ENTREP2: variants seen among roughly 807,000 people sequenced by gnomAD.
The protein encoded by ENTREP2 is endosomal transmembrane epsin interactor 2, also known as protein ENTREP2.
the ENTREP2 span, among the ~76,000 whole-genome samples, chr15:29,364,658 T>C: frequency 6.6e-6 from 1 of 152,224 alleles, no homozygotes; most frequent in South Asian, 2.1e-4. Flanking sequence ...AGATAGATCA[T>C]GCCTTTCCCT....
chr15:29,357,411 T>C, the ENTREP2 span, among the ~76,000 whole-genome samples: 2,037 of 152,162 alleles, frequency 0.013, 54 homozygotes, highest in African/African-American at 0.047. Context: ...TATTTTCACA[T>C]ATTCCACCAA....
At chr15:29,346,994 C>T in the ENTREP2 span, among the ~76,000 whole-genome samples, 71 of 152,264 alleles carry the variant, frequency 4.7e-4, 1 homozygote, top group African/African-American at 1.6e-3. Flanking sequence ...GCTTCCAATG[C>T]GATCTGTAAC....
chr15:29,196,126 A>G, the ENTREP2 span, among the ~76,000 whole-genome samples: 1 of 152,182 alleles, frequency 6.6e-6, no homozygotes, highest in African/African-American at 2.4e-5. Context: ...AAATGTCAGA[A>G]AAGCCGTAGA....
chr15:29,299,786 A>T, the ENTREP2 span, among the ~76,000 whole-genome samples: 2 of 152,120 alleles, frequency 1.3e-5, no homozygotes, highest in African/African-American at 2.4e-5. Context: ...AATTTTATTC[A>T]TTGCTGTATC....
the ENTREP2 span, among the ~76,000 whole-genome samples, chr15:29,524,563 C>T: frequency 3.3e-5 from 5 of 152,288 alleles, no homozygotes; most frequent in East Asian, 1.9e-4. Context: ...CCGTAGGTCA[C>T]GGAAGAGAAC....
chr15:29,344,863 T>C, the ENTREP2 span, among the ~76,000 whole-genome samples: 8 of 151,656 alleles, frequency 5.3e-5, no homozygotes, highest in African/African-American at 1.9e-4. Context: ...ACTGCATGCA[T>C]AGCATTATAG....
the ENTREP2 span, among the ~76,000 whole-genome samples, chr15:29,581,555 A>G: frequency 1.3e-5 from 2 of 152,166 alleles, no homozygotes; most frequent in Admixed American, 1.3e-4. Context: ...ACACAAAATT[A>G]ATCACCACAA....
chr15:29,549,410 C>G, the ENTREP2 span, among the ~76,000 whole-genome samples: 1 of 152,048 alleles, frequency 6.6e-6, no homozygotes, highest in Non-Finnish European at 1.5e-5. Context: ...GCTGGGACTA[C>G]AGGCGCCCAC....
chr15:29,379,068 C>T, the ENTREP2 span, among the ~76,000 whole-genome samples: 1 of 152,192 alleles, frequency 6.6e-6, no homozygotes, highest in Non-Finnish European at 1.5e-5. Flanking sequence ...CCAGCAAAAT[C>T]CATACACTTC....
the ENTREP2 span, among the ~76,000 whole-genome samples, chr15:29,513,009 T>C: frequency 1.3e-5 from 2 of 152,212 alleles, no homozygotes; most frequent in African/African-American, 4.8e-5. Context: ...CTCTGAAATC[T>C]CTCATATTCT....
At chr15:29,391,470 A>T in the ENTREP2 span, among the ~76,000 whole-genome samples, 1 of 152,150 alleles carries the variant, frequency 6.6e-6, no homozygotes, top group Non-Finnish European at 1.5e-5. Flanking sequence ...TCACCTCATG[A>T]AAGAGAAAAA....
chr15:29,125,133 G>A, the ENTREP2 span, among the ~76,000 whole-genome samples: 2 of 152,356 alleles, frequency 1.3e-5, no homozygotes, highest in African/African-American at 4.8e-5. Context: ...GGGTGTGTGG[G>A]TGCCGAGGTG....
chr15:29,279,571 G>T, the ENTREP2 span, among the ~76,000 whole-genome samples: 2 of 152,072 alleles, frequency 1.3e-5, no homozygotes, highest in South Asian at 2.1e-4. Context: ...CACCATGTTG[G>T]CCAGGATGGT....
At chr15:29,622,232 A>C in the ENTREP2 span, among the ~76,000 whole-genome samples, 1 of 151,312 alleles carries the variant, frequency 6.6e-6, no homozygotes, top group African/African-American at 2.4e-5. Context: ...TTTGAGATGG[A>C]GTCTAGCTCT....
the ENTREP2 span, among the ~76,000 whole-genome samples, chr15:29,503,329 C>T: frequency 6.6e-6 from 1 of 152,002 alleles, no homozygotes; most frequent in African/African-American, 2.4e-5. Flanking sequence ...GTAAAAGAAG[C>T]CAAATACAAA....
the ENTREP2 span, among the ~76,000 whole-genome samples, chr15:29,336,034 C>T: frequency 1.4e-5 from 2 of 147,482 alleles, no homozygotes; most frequent in East Asian, 2.1e-4. Flanking sequence ...CCCAGCTGCT[C>T]AAGAGGCTGA....
the ENTREP2 span, chr15:29,234,096 T>C: frequency 6.7e-7 from 1 of 1,497,676 alleles, no homozygotes; most frequent in South Asian, 1.1e-5. Context: ...CTTGATAACA[T>C]ATCAGACATT....
chr15:29,381,790 C>T, the ENTREP2 span: 1 of 1,551,410 alleles, frequency 6.4e-7, no homozygotes, highest in African/African-American at 1.4e-5. Flanking sequence ...GGGAGAGAGG[C>T]CTCTTCCAGG....
chr15:29,391,108 T>C, the ENTREP2 span, among the ~76,000 whole-genome samples: 35 of 152,204 alleles, frequency 2.3e-4, no homozygotes, highest in African/African-American at 7.7e-4. Flanking sequence ...TGGGTGTGGC[T>C]TTCTTTCTCT....
Sources: gnomAD v4.1 joint callset for allele counts (sites outside exome capture counted in the v4.1 genomes callset) on GRCh38, gnomAD v4.1.1 for gene constraint, MANE v1.5 for transcripts, NCBI Gene and HGNC (gene_info 2026-07-23, HGNC 2026-07-21) for gene names.